The following SCAPER variants were observed in gnomAD, a reference collection of about 807,000 sequenced individuals.
SCAPER encodes the protein S phase cyclin A-associated protein in the endoplasmic reticulum.
In SCAPER, 98 loss-of-function variants were observed where a neutral mutation model predicts 182.2. The observed-to-expected ratio is 0.54, with a 90% CI of 0.46 to 0.64. SCAPER has a LOEUF of 0.64. SCAPER is among the 30% of genes least tolerant of loss of function. The probability of loss-of-function intolerance (pLI) is 0.00; values close to 1 mark genes in which losing one functional copy is unlikely to be tolerated. For synonymous variants in SCAPER, 605 were observed against 564.6 expected (o/e 1.07, Z -1.01); for missense variants, 1,432 against 1,690.0 (o/e 0.85, Z 2.68).
intron 25 of SCAPER, among the ~76,000 whole-genome samples, chr15:76,465,234 A>G (rs1392996137): frequency 1.3e-5 from 2 of 152,170 alleles, no homozygotes; most frequent in East Asian, 3.8e-4. Context: ...TGAGATCAAG[A>G]TGCTGGCAGA....
intron 22 of SCAPER, chr15:76,586,800 G>A (rs1015141060): frequency 3.3e-5 from 5 of 151,894 alleles, no homozygotes; most frequent in African/African-American, 1.2e-4. Context: ...TTGGTATTAG[G>A]GTGATACTGG....
At chr15:76,467,124 A>T (rs1423716038) in intron 25 of SCAPER, among the ~76,000 whole-genome samples, 1 of 152,134 alleles carries the variant, frequency 6.6e-6, no homozygotes, top group Non-Finnish European at 1.5e-5. Context: ...GTCTTCTGCC[A>T]TGATTGTAAG....
At chr15:76,629,468 A>T (rs1035533878) in intron 21 of SCAPER, among the ~76,000 whole-genome samples, 2 of 152,180 alleles carry the variant, frequency 1.3e-5, no homozygotes, top group African/African-American at 4.8e-5. Context: ...TTTTGACATG[A>T]AGGGATATTG....
At chr15:76,665,890 TA>T (rs990796487) in intron 20 of SCAPER, 101 bp from the exon 21 acceptor site, 11 of 1,018,878 alleles carry the variant, frequency 1.1e-5, no homozygotes, top group Middle Eastern at 3.4e-4. Flanking sequence ...TTGATGAAAC[TA>T]AAAGTAATCT....
At chr15:76,530,921 A>G (rs1181433912) in intron 23 of SCAPER, among the ~76,000 whole-genome samples, 2 of 151,498 alleles carry the variant, frequency 1.3e-5, no homozygotes, top group Non-Finnish European at 2.9e-5. Flanking sequence ...ATATATATGT[A>G]TATATGTATG....
At position 76,544,071 on chromosome 15, in the gene SCAPER, T is replaced by C. The variant is rs563897267; in HGVS notation, c.2838+30087A>G. Among the ~76,000 whole-genome samples the C allele has an allele frequency of 2.6e-5, 4 of 152,242 alleles. No homozygotes were observed. The South Asian group carries it at 8.3e-4, about 32-fold the overall frequency. ...AAGATACATAAATGGCTGAAATGTA[T>C]ATGAAAAGATACTCAATATCATTAG... On this transcript the variant is annotated intron_variant, in intron 23 of 31. Coordinates refer to ENST00000563290, the MANE Select transcript of SCAPER (RefSeq NM_020843.4).
intron 24 of SCAPER, chr15:76,472,292 G>T: frequency 1.6e-6 from 1 of 639,080 alleles, no homozygotes. Context: ...GCAGGGAGGG[G>T]AATAACCCTG....
intron 5 of SCAPER, among the ~76,000 whole-genome samples, chr15:76,834,584 C>A (rs1192518777): frequency 6.6e-6 from 1 of 151,966 alleles, no homozygotes; most frequent in African/African-American, 2.4e-5. Flanking sequence ...AACATTGAGA[C>A]ATGAAAATCC....
chr15:76,493,655 G>C (rs2052545740), intron 24 of SCAPER, among the ~76,000 whole-genome samples: 2 of 152,212 alleles, frequency 1.3e-5, no homozygotes, highest in African/African-American at 4.8e-5. Context: ...ACTATGATTA[G>C]TAAGTCTGTA....
chr15:76,417,301 T>C (rs773052715), intron 26 of SCAPER, among the ~76,000 whole-genome samples: 2 of 152,136 alleles, frequency 1.3e-5, no homozygotes, highest in African/African-American at 2.4e-5. Context: ...AATTTCATAA[T>C]TAGAAAAAAG....
chr15:76,441,071 G>A (rs1047292752), intron 25 of SCAPER, among the ~76,000 whole-genome samples: 4 of 151,332 alleles, frequency 2.6e-5, no homozygotes, highest in Non-Finnish European at 3.0e-5. Context: ...ACAGGCACCC[G>A]CCACCACGCC....
rs2046690197 is a variant in SCAPER, at chr15:76,562,169, A to AT, written c.2838+11988_2838+11989insA. Among the ~76,000 whole-genome samples, 4 of 151,066 alleles carry AT rather than the reference A, an allele frequency of 2.6e-5. 1 individual carries two copies. The highest frequency in any genetic ancestry group is 9.7e-5 in the African/African-American group (4 of 41,210). ...ATCTCAAAAAAAAAAAAAAAAAAAA[A>AT]ATTAATACCAAATGGACAAGAGACT... On this transcript the variant is annotated intron_variant, in intron 23 of 31. Transcript: ENST00000563290.
At chr15:76,728,103 TTA>T (rs1378531923) in intron 17 of SCAPER, among the ~76,000 whole-genome samples, 1 of 152,064 alleles carries the variant, frequency 6.6e-6, no homozygotes, top group African/African-American at 2.4e-5. Flanking sequence ...GCTTGGCCAA[TTA>T]TATGTTTTTT....
chr15:76,443,778 A>G (rs2047788937), intron 25 of SCAPER, among the ~76,000 whole-genome samples: 1 of 152,224 alleles, frequency 6.6e-6, no homozygotes, highest in Admixed American at 6.5e-5. Flanking sequence ...TTTCAATGGA[A>G]ATTTTAAACA....
chr15:76,443,158 C>T (rs894929354), intron 25 of SCAPER, among the ~76,000 whole-genome samples: 1 of 152,030 alleles, frequency 6.6e-6, no homozygotes, highest in African/African-American at 2.4e-5. Flanking sequence ...GTTCATCCTC[C>T]CAAACAGTGC....
chr15:76,717,724 G>C (rs2059965900), intron 17 of SCAPER, among the ~76,000 whole-genome samples: 1 of 151,932 alleles, frequency 6.6e-6, no homozygotes, highest in Non-Finnish European at 1.5e-5. Flanking sequence ...AATGATAAAG[G>C]GGTCAGTTCA....
At position 76,643,618 on chromosome 15, in the gene SCAPER, G is replaced by A. The variant is rs186241521; in HGVS notation, c.2646-21789C>T. 1.3e-4 allele frequency among the ~76,000 whole-genome samples: 20 copies of A among 152,242 alleles called. 1 individual carries two copies. The highest frequency in any genetic ancestry group is 9.8e-4 in the Admixed American group (15 of 15,290). On this transcript the variant is annotated intron_variant, in intron 21 of 31. Transcript: ENST00000563290. The stretch of plus-strand genomic sequence containing the variant: ...AATCGCTTGAACTCGGGAGGCAGAG[G>A]TTGTAGTGAGCTGAGACTGTGCCAC...
At chr15:76,412,903 A>T (rs1009676051) in intron 26 of SCAPER, among the ~76,000 whole-genome samples, 1 of 151,992 alleles carries the variant, frequency 6.6e-6, no homozygotes, top group African/African-American at 2.4e-5. Flanking sequence ...TTAGGTCTTT[A>T]ATTTCTCTCG....
chr15:76,678,874 T>C (rs1019278201), intron 20 of SCAPER, among the ~76,000 whole-genome samples: 1 of 152,166 alleles, frequency 6.6e-6, no homozygotes, highest in African/African-American at 2.4e-5. Flanking sequence ...AAACCTACTA[T>C]GTATCAAGGA....
Sources: gnomAD v4.1 joint callset for allele counts (sites outside exome capture counted in the v4.1 genomes callset) on GRCh38, gnomAD v4.1.1 for gene constraint, MANE v1.5 for transcripts, NCBI Gene and HGNC (gene_info 2026-07-23, HGNC 2026-07-21) for gene names.